DPYD: variants seen among roughly 807,000 people sequenced by gnomAD.
DPYD encodes the protein dihydropyrimidine dehydrogenase, also known as dihydropyrimidine dehydrogenase [NADP(+)].
In DPYD, 109 loss-of-function variants were observed where a neutral mutation model predicts 116.2. The observed-to-expected ratio is 0.94, with a 90% CI of 0.80 to 1.10. The LOEUF (loss-of-function observed/expected upper bound fraction) is 1.10. DPYD is among the 50% of genes least tolerant of loss of function. The probability of loss-of-function intolerance (pLI) is 0.00; values close to 1 mark genes in which losing one functional copy is unlikely to be tolerated. For synonymous variants in DPYD, 440 were observed against 432.0 expected (o/e 1.02, Z -0.23); for missense variants, 1,302 against 1,254.5 (o/e 1.04, Z -0.57).
intron 5 of DPYD, among the ~76,000 whole-genome samples, chr1:97,708,478 T>C (rs61790064): frequency 0.098 from 14,863 of 152,132 alleles, 801 homozygotes; most frequent in Middle Eastern, 0.11. Context: ...TGTCTATTTC[T>C]GGGCTCTCTA....
chr1:97,356,348 G>A (rs149927530), intron 16 of DPYD, among the ~76,000 whole-genome samples: 1 of 152,070 alleles, frequency 6.6e-6, no homozygotes, highest in Admixed American at 6.5e-5. Context: ...TCAGATTTAT[G>A]GCCCAAAAAT....
chr1:97,668,577 A>G (rs2100888292), intron 8 of DPYD, among the ~76,000 whole-genome samples: 1 of 152,236 alleles, frequency 6.6e-6, no homozygotes, highest in South Asian at 2.1e-4. Flanking sequence ...ACTGCTAGGT[A>G]TATTGCAGAA....
At chr1:97,677,239 G>C (rs995249316) in intron 8 of DPYD, among the ~76,000 whole-genome samples, 1 of 151,930 alleles carries the variant, frequency 6.6e-6, no homozygotes. Flanking sequence ...TATTTTATTG[G>C]TCCATATTCC....
chr1:97,146,987 G>T (rs967825997), intron 20 of DPYD, among the ~76,000 whole-genome samples: 1 of 152,188 alleles, frequency 6.6e-6, no homozygotes, highest in Admixed American at 6.5e-5. Context: ...GTTATAGGAA[G>T]GAGGAGAGCA....
At chr1:97,186,724 C>T (rs1159455315) in intron 20 of DPYD, among the ~76,000 whole-genome samples, 1 of 152,104 alleles carries the variant, frequency 6.6e-6, no homozygotes, top group African/African-American at 2.4e-5. Context: ...TGGCAGACGC[C>T]TGTAATCCCA....
intron 20 of DPYD, among the ~76,000 whole-genome samples, chr1:97,186,460 C>T (rs1658000105): frequency 6.6e-6 from 1 of 152,116 alleles, no homozygotes; most frequent in Non-Finnish European, 1.5e-5. Flanking sequence ...ACTATTATTC[C>T]ACACTCTATG....
intron 14 of DPYD, among the ~76,000 whole-genome samples, chr1:97,397,365 C>T (rs1673073451): frequency 6.6e-6 from 1 of 152,002 alleles, no homozygotes; most frequent in Non-Finnish European, 1.5e-5. Context: ...ATTGACACAG[C>T]ATCATCATAC....
intron 4 of DPYD, among the ~76,000 whole-genome samples, chr1:97,730,862 A>G (rs192102882): frequency 8.3e-4 from 127 of 152,140 alleles, no homozygotes; most frequent in Non-Finnish European, 1.6e-3. Flanking sequence ...AAAGATGTCA[A>G]AGCTAGTCAT....
intron 12 of DPYD, among the ~76,000 whole-genome samples, chr1:97,535,586 T>C (rs1649935484): frequency 6.6e-6 from 1 of 152,214 alleles, no homozygotes; most frequent in Admixed American, 6.5e-5. Context: ...TAAGGAAATA[T>C]TCTGTCTTTA....
chr1:97,694,014 G>A (rs1230299135), intron 6 of DPYD, among the ~76,000 whole-genome samples: 1 of 152,154 alleles, frequency 6.6e-6, no homozygotes, highest in Non-Finnish European at 1.5e-5. Flanking sequence ...AAGGAGGAAG[G>A]GGCAGCCACC....
intron 2 of DPYD, among the ~76,000 whole-genome samples, chr1:97,854,091 C>A (rs1670698796): frequency 6.6e-6 from 1 of 152,168 alleles, no homozygotes; most frequent in East Asian, 1.9e-4. Flanking sequence ...TTTCTATTAT[C>A]CAGAAAATAT....
intron 13 of DPYD, among the ~76,000 whole-genome samples, chr1:97,473,510 A>G (rs981233941): frequency 2.0e-5 from 3 of 152,150 alleles, no homozygotes; most frequent in African/African-American, 4.8e-5. Context: ...AAGATTCACA[A>G]AGAGCCAAAA....
At chr1:97,393,505 C>A (rs1672833109) in intron 14 of DPYD, among the ~76,000 whole-genome samples, 1 of 151,658 alleles carries the variant, frequency 6.6e-6, no homozygotes, top group African/African-American at 2.4e-5. Flanking sequence ...CAAGTGTTCT[C>A]ATTGTTCAGT....
chr1:97,392,534 T>C (rs748628992), intron 14 of DPYD, among the ~76,000 whole-genome samples: 2 of 152,074 alleles, frequency 1.3e-5, no homozygotes, highest in Non-Finnish European at 2.9e-5. Flanking sequence ...CTCTGTAGCA[T>C]GTGATGCTGT....
At chr1:97,708,244 T>A (rs1662092053) in intron 5 of DPYD, among the ~76,000 whole-genome samples, 1 of 152,160 alleles carries the variant, frequency 6.6e-6, no homozygotes. Flanking sequence ...GTCATCTACA[T>A]GGTCTCCCAT....
At chr1:97,812,190 C>G (rs1668377582) in intron 3 of DPYD, among the ~76,000 whole-genome samples, 1 of 152,150 alleles carries the variant, frequency 6.6e-6, no homozygotes, top group African/African-American at 2.4e-5. Context: ...AAAACCACCT[C>G]TTTTGACAGT....
At chr1:97,207,537 A>G (rs937024127) in intron 19 of DPYD, among the ~76,000 whole-genome samples, 11 of 152,114 alleles carry the variant, frequency 7.2e-5, no homozygotes, top group African/African-American at 2.2e-4. Context: ...TCATTTGATT[A>G]TGTTTTCTCT....
At chr1:97,909,728 T>C (rs1176842808) in intron 1 of DPYD, among the ~76,000 whole-genome samples, 3 of 152,104 alleles carry the variant, frequency 2.0e-5, no homozygotes, top group Admixed American at 6.6e-5. Context: ...CCTCAGTCCC[T>C]TGTTGAGCTA....
intron 11 of DPYD, among the ~76,000 whole-genome samples, chr1:97,559,755 T>C (rs1278446297): frequency 6.6e-6 from 1 of 152,166 alleles, no homozygotes; most frequent in African/African-American, 2.4e-5. Flanking sequence ...AATTCAAAAG[T>C]ATAGTTTCTT....
Sources: gnomAD v4.1 joint callset for allele counts (sites outside exome capture counted in the v4.1 genomes callset) on GRCh38, gnomAD v4.1.1 for gene constraint, MANE v1.5 for transcripts, NCBI Gene and HGNC (gene_info 2026-07-23, HGNC 2026-07-21) for gene names.